The following AKAP13 variants were observed in gnomAD, a reference collection of about 807,000 sequenced individuals.
AKAP13 encodes A-kinase anchoring protein 13.
AKAP13 carries 80 observed loss-of-function variants against 264.5 expected under a neutral mutation model. That is an observed-to-expected ratio of 0.30 (90% confidence interval 0.25 to 0.36). The LOEUF is 0.36. Among genes scored for constraint, AKAP13 ranks in the 10% least tolerant of loss-of-function variants. The pLI is 1.00. For synonymous variants in AKAP13, 1,380 were observed against 1,250.2 expected, an observed-to-expected ratio of 1.10 and a Z score of -2.19; for missense variants, 3,712 against 3,435.2, an observed-to-expected ratio of 1.08 and a Z score of -2.01.
At chr15:85,712,022 C>G (rs565786027) in intron 19 of AKAP13, among the ~76,000 whole-genome samples, 14 of 152,192 alleles carry the variant, frequency 9.2e-5, no homozygotes, top group African/African-American at 2.6e-4. Context: ...TTTGTAGAGA[C>G]GGGGTCTCAC....
rs143553770 is a variant in AKAP13, at chr15:85,474,658, C to T, written c.-11-11052C>T. Among the ~76,000 whole-genome samples, 145 of 152,260 alleles carry T rather than the reference C, an allele frequency of 9.5e-4. 1 individual carries two copies. Among genetic ancestry groups the T allele is most frequent in the African/African-American group, 3.2e-3 (131 of 41,546 alleles). On this transcript the variant is annotated intron_variant, in intron 1 of 36. Transcript: ENST00000394518. ...CTGTAGAATTTTCACTTAATTATGA[C>T]ATATACAAGTTTTTAATTTGAAGTC...
rs764444803 is a variant in AKAP13, at chr15:85,540,044, G to A, written c.479-3728G>A. 3.9e-4 allele frequency among the ~76,000 whole-genome samples: 60 copies of A among 152,246 alleles called. 1 individual carries two copies. The highest frequency in any genetic ancestry group is 7.5e-4 in the Non-Finnish European group (51 of 68,008). On this transcript the variant is annotated intron_variant, in intron 4 of 36. Coordinates refer to ENST00000394518, the MANE Select transcript of AKAP13 (RefSeq NM_007200.5). ...GAGTCAGTGTTCAAGTAGAGAAGCA[G>A]AACCACTAAGAGAAATAATATGTTG...
At chr15:85,576,674 C>A (rs2079026359) in intron 6 of AKAP13, among the ~76,000 whole-genome samples, 1 of 152,196 alleles carries the variant, frequency 6.6e-6, no homozygotes, top group African/African-American at 2.4e-5. Flanking sequence ...TTGAGACCAG[C>A]AAGCCAAGAA....
intron 2 of AKAP13, among the ~76,000 whole-genome samples, chr15:85,514,302 T>A (rs2076536705): frequency 7.2e-6 from 1 of 138,562 alleles, no homozygotes; most frequent in Non-Finnish European, 1.5e-5. Flanking sequence ...GACTTCCTAT[T>A]TGTTAAAAAA....
Position 85,693,315 on chromosome 15 carries a change from G to A in AKAP13, c.5328G>A (p.Glu1776=). The change falls in exon 17 of 37, where the codon GAG becomes GAA. Residue 1776 remains glutamate, a synonymous_variant. Coordinates refer to ENST00000394518, the MANE Select transcript of AKAP13 (RefSeq NM_007200.5). ...AAAAAGATAAGATTAAGGAGAAGGA[G>A]AAAGATTCTAAAGACAAGGAGAAAG... The part of the protein sequence containing the change: ...EKEKDKIKEK[E]KDSKDKEKDK... 6.2e-7 allele frequency: 1 copy of A among 1,607,628 alleles called. No homozygotes were observed. Among genetic ancestry groups the A allele is most frequent in the African/African-American group, 1.3e-5 (1 of 74,448 alleles).
intron 5 of AKAP13, among the ~76,000 whole-genome samples, chr15:85,549,629 A>C (rs1050421075): frequency 6.6e-6 from 1 of 152,174 alleles, no homozygotes; most frequent in Non-Finnish European, 1.5e-5. Flanking sequence ...CTATATAGAA[A>C]ATTGTAGAGC....
chr15:85,580,989 A>G lies in AKAP13; in HGVS notation c.2921A>G (p.Lys974Arg), dbSNP rs766447812. 5 of 1,613,994 alleles carry G rather than the reference A, an allele frequency of 3.1e-6. No homozygotes were observed. In the South Asian group the frequency reaches 5.5e-5, roughly 18 times the overall value. ...HEKSISADCA[K>R]DKALQLSNSP... ...AAATCAATCTCAGCTGACTGTGCCAAGGACAAAGCACTTCAGCTAAGTAAT... is the reference window on the plus strand; with the variant it reads ...AAATCAATCTCAGCTGACTGTGCCAGGGACAAAGCACTTCAGCTAAGTAAT... The change falls in exon 7 of 37, where the codon AAG becomes AGG. Residue 974 changes from lysine to arginine, a missense_variant. Physicochemically the swap from Lys to Arg is conservative, Grantham distance 26 (BLOSUM62 2). Coordinates refer to ENST00000394518, the MANE Select transcript of AKAP13 (RefSeq NM_007200.5).
chr15:85,589,230 G>A (rs571207279), intron 8 of AKAP13, among the ~76,000 whole-genome samples: 41 of 152,184 alleles, frequency 2.7e-4, no homozygotes, highest in Middle Eastern at 3.4e-3. Context: ...AGCAGAGGTC[G>A]GCAAACATTT....
In AKAP13 at chr15:85,710,644, G is replaced by A. The variant is rs1243245343; in HGVS notation, c.5598G>A (p.Lys1866=). 6.2e-7 allele frequency: 1 copy of A among 1,613,542 alleles called. No homozygotes were observed. The highest frequency in any genetic ancestry group is 2.2e-5 in the East Asian group (1 of 44,836). ...SSLPTVIMRN[K]PSQPKERPRS... is the part of the protein sequence containing the mutation. ...TGCCCACGGTCATTATGAGAAACAA[G>A]CGTAAGTAGCTCAGCCCACCTCTCA... Residue 1866 remains lysine, a splice_region_variant and synonymous_variant, in exon 19 of 37, where the codon AAG becomes AAA. Transcript: ENST00000394518.
intron 8 of AKAP13, among the ~76,000 whole-genome samples, chr15:85,586,200 T>TC (rs1045606587): frequency 1.4e-4 from 21 of 151,984 alleles, no homozygotes; most frequent in Non-Finnish European, 1.6e-4. Flanking sequence ...TTTTTCTTTT[T>TC]TTTTTTTGAG....
intron 14 of AKAP13, among the ~76,000 whole-genome samples, chr15:85,680,509 G>A (rs991979926): frequency 1.3e-5 from 2 of 152,146 alleles, no homozygotes; most frequent in African/African-American, 4.8e-5. Context: ...AATACGGAAG[G>A]CAATCTTTTG....
intron 1 of AKAP13, among the ~76,000 whole-genome samples, chr15:85,475,205 A>G (rs1440970850): frequency 2.0e-4 from 31 of 151,988 alleles, no homozygotes; most frequent in Admixed American, 2.0e-3. Flanking sequence ...TTTACATAAA[A>G]CCCAGCTGTG....
At chr15:85,573,419 G>A (rs1025666133) in intron 5 of AKAP13, among the ~76,000 whole-genome samples, 1 of 152,006 alleles carries the variant, frequency 6.6e-6, no homozygotes, top group Admixed American at 6.6e-5. Context: ...GGTGGGACGC[G>A]CCTGTAATCA....
chr15:85,509,873 T>C (rs2076360929), intron 2 of AKAP13, among the ~76,000 whole-genome samples: 1 of 152,236 alleles, frequency 6.6e-6, no homozygotes, highest in African/African-American at 2.4e-5. Flanking sequence ...GGATTTAGTT[T>C]GTAGCCTCTG....
Position 85,693,369 on chromosome 15 carries a change from C to A in AKAP13, c.5382C>A (p.Phe1794Leu). The A allele has an allele frequency of 6.2e-7, 1 of 1,613,996 alleles. No individual in the cohort carries two copies. Among genetic ancestry groups the A allele is most frequent in the Non-Finnish European group, 8.5e-7 (1 of 1,179,956 alleles). The change falls in exon 17 of 37, where the codon TTC (phenylalanine) becomes TTA (leucine). Residue 1794 changes from phenylalanine to leucine, a missense_variant. Transcript: ENST00000394518. Reference sequence around the variant, plus strand: ...AGAAGACTGTCAACGGGCACACTTTCAGTTCCATTCCTGTTGTGGGTCCCA... The same window carrying A: ...AGAAGACTGTCAACGGGCACACTTTAAGTTCCATTCCTGTTGTGGGTCCCA... Reference protein sequence around the residue: ...KDKKTVNGHTFSSIPVVGPIS... With the variant: ...KDKKTVNGHTLSSIPVVGPIS...
At chr15:85,687,739 A>G (rs957661800) in intron 16 of AKAP13, among the ~76,000 whole-genome samples, 1 of 150,256 alleles carries the variant, frequency 6.7e-6, no homozygotes, top group African/African-American at 2.5e-5. Context: ...GTAGCAAAAG[A>G]TGATTTTTTA....
intron 1 of AKAP13, among the ~76,000 whole-genome samples, chr15:85,428,693 C>T (rs566126440): frequency 7.2e-5 from 11 of 152,346 alleles, no homozygotes; most frequent in Non-Finnish European, 1.5e-4. Flanking sequence ...TGGCCTTACA[C>T]TCACGTTTGG....
At chr15:85,651,333 A>G (rs1219545771) in intron 10 of AKAP13, among the ~76,000 whole-genome samples, 2 of 152,194 alleles carry the variant, frequency 1.3e-5, no homozygotes, top group South Asian at 2.1e-4. Context: ...ATGTAACTAT[A>G]TATCTGTCCA....
intron 17 of AKAP13, 93 bp from the exon 18 acceptor site, chr15:85,707,926 G>T: frequency 7.8e-7 from 1 of 1,277,568 alleles, no homozygotes; most frequent in African/African-American, 1.5e-5. Flanking sequence ...ACTTCACTTT[G>T]AAATTCAGAG....
Sources: gnomAD v4.1 joint callset for allele counts (sites outside exome capture counted in the v4.1 genomes callset) on GRCh38, gnomAD v4.1.1 for gene constraint, MANE v1.5 for transcripts, NCBI Gene and HGNC (gene_info 2026-07-23, HGNC 2026-07-21) for gene names.